Variants in DIPK1A observed in about 807,000 individuals in gnomAD.
DIPK1A encodes the protein family with sequence similarity 69 member A.
In DIPK1A, 27 loss-of-function variants were observed where a neutral mutation model predicts 40.8. The ratio of observed to expected loss-of-function variants is 0.66; its 90% CI spans 0.49 to 0.91. DIPK1A has a LOEUF of 0.91. DIPK1A is among the 40% of genes least tolerant of loss of function. The pLI is 0.00. For missense variants in DIPK1A, 412 were observed against 505.7 expected, an observed-to-expected ratio of 0.81 and a Z score of 1.78; for synonymous variants, 166 against 171.3, an observed-to-expected ratio of 0.97 and a Z score of 0.24.
chr1:92,960,309 GCCTCATGATGGTTA>G (rs1046900244), intron 1 of DIPK1A, among the ~76,000 whole-genome samples: 4 of 152,062 alleles, frequency 2.6e-5, no homozygotes, highest in African/African-American at 9.7e-5. Context: ...AGATTTACTT[GCCTCATGATGGTTA>G]CCTTCTCAAC....
intron 2 of DIPK1A, among the ~76,000 whole-genome samples, chr1:92,859,335 A>G (rs543146843): frequency 1.3e-5 from 2 of 152,184 alleles, no homozygotes; most frequent in African/African-American, 4.8e-5. Context: ...ACCATTTTCT[A>G]GACTTGCACT....
intron 2 of DIPK1A, among the ~76,000 whole-genome samples, chr1:92,874,632 G>A (rs1648029713): frequency 6.6e-6 from 1 of 152,220 alleles, no homozygotes; most frequent in Non-Finnish European, 1.5e-5. Context: ...TTATTTGTAT[G>A]TTTTTGAACT....
intron 1 of DIPK1A, among the ~76,000 whole-genome samples, chr1:92,924,655 G>C (rs1322107945): frequency 6.6e-6 from 1 of 152,186 alleles, no homozygotes; most frequent in Non-Finnish European, 1.5e-5. Flanking sequence ...GTCCGGAGTA[G>C]GCTTTCAAGA....
chr1:92,918,828 T>C (rs973814920), intron 1 of DIPK1A, among the ~76,000 whole-genome samples: 4 of 152,196 alleles, frequency 2.6e-5, no homozygotes, highest in African/African-American at 7.2e-5. Flanking sequence ...GTTCCACCTA[T>C]GATCATCAGG....
chr1:92,843,962 A>G lies in DIPK1A; in HGVS notation c.708T>C (p.Leu236=). 2 of 1,551,970 alleles carry G rather than the reference A, an allele frequency of 1.3e-6. No individual in the cohort carries two copies. Among genetic ancestry groups the G allele is most frequent in the Non-Finnish European group, 1.7e-6 (2 of 1,147,040 alleles). Residue 236 remains leucine, a synonymous_variant, in exon 5 of 5, where the codon CTT becomes CTC. Coordinates refer to ENST00000370310, the MANE Select transcript of DIPK1A (RefSeq NM_001006605.5). The stretch of plus-strand genomic sequence containing the variant: ...TGACCCAAGGAAGGCTTATTCCATA[A>G]AGAGAGGTATATTCAACACTTTCCA... ...YVMESVEYTS[L]YGISLPWVIE... is the part of the protein sequence containing the mutation.
intron 1 of DIPK1A, among the ~76,000 whole-genome samples, chr1:92,960,352 A>T (rs536838206): frequency 6.6e-6 from 1 of 152,252 alleles, no homozygotes. Flanking sequence ...TAATTTATAA[A>T]AGCACCAGCT....
rs967701421 is a variant in DIPK1A at position 92,832,763 on chromosome 1, G to A, written c.*257C>T. 3.4e-5 allele frequency: 17 copies of A among 495,904 alleles called. No individual in the cohort carries two copies. In the East Asian group the frequency reaches 5.6e-4, roughly 16 times the overall value. 30.7% of individuals were successfully genotyped at this position (495,904 alleles called of 1,614,324 possible). A position where few individuals can be genotyped will look rare whatever the true frequency, so the allele number is the denominator to read the frequency against. On this transcript the variant is annotated 3_prime_UTR_variant, in exon 5 of 5. Transcript: ENST00000615519. Reference sequence around the variant, plus strand: ...ATTATTGGGGTAGGGCCCCAAGGGTGGGATGAAATGTTGCTTTAGCTGATG... The same window carrying A: ...ATTATTGGGGTAGGGCCCCAAGGGTAGGATGAAATGTTGCTTTAGCTGATG...
chr1:92,836,291 C>G lies in DIPK1A; in HGVS notation c.475-3257G>C, dbSNP rs11540836. 53 of 1,614,166 alleles carry G rather than the reference C, an allele frequency of 3.3e-5. No homozygotes were observed. In the South Asian group the frequency reaches 4.6e-4, roughly 14 times the overall value. ...GCATTGATGGTCAGCCAGGTGCCTTCACCTGCTATTTGGATGCAGGCCTTG... is the reference window on the plus strand; with the variant it reads ...GCATTGATGGTCAGCCAGGTGCCTTGACCTGCTATTTGGATGCAGGCCTTG... On this transcript the variant is annotated intron_variant, in intron 4 of 4. Transcript: ENST00000615519.
At chr1:92,953,372 T>C (rs1159524301) in intron 1 of DIPK1A, among the ~76,000 whole-genome samples, 1 of 151,934 alleles carries the variant, frequency 6.6e-6, no homozygotes, top group East Asian at 1.9e-4. Context: ...AAATTAAAAA[T>C]AGAATTACCA....
chr1:92,907,047 C>G (rs1649652172), intron 1 of DIPK1A, among the ~76,000 whole-genome samples: 1 of 152,074 alleles, frequency 6.6e-6, no homozygotes, highest in Non-Finnish European at 1.5e-5. Context: ...AATTTCTAAT[C>G]AATATTTTTA....
chr1:92,878,266 G>A (rs936839664), intron 1 of DIPK1A, among the ~76,000 whole-genome samples: 3 of 152,196 alleles, frequency 2.0e-5, no homozygotes, highest in Admixed American at 2.0e-4. Context: ...AATCATTTAA[G>A]ATATATATTA....
At chr1:92,877,832 G>A (rs1648195844) in intron 1 of DIPK1A, among the ~76,000 whole-genome samples, 1 of 152,166 alleles carries the variant, frequency 6.6e-6, no homozygotes, top group African/African-American at 2.4e-5. Flanking sequence ...TAAGAGGTTT[G>A]GTCATCAGAC....
intron 4 of DIPK1A, chr1:92,833,375 C>T (rs1558283784): frequency 6.3e-7 from 1 of 1,597,408 alleles, no homozygotes; most frequent in Admixed American, 1.7e-5. Context: ...TAATAACATT[C>T]TTTTTTCTTT....
At chr1:92,849,177 T>C (rs1209261606) in intron 3 of DIPK1A, among the ~76,000 whole-genome samples, 1 of 152,194 alleles carries the variant, frequency 6.6e-6, no homozygotes, top group Non-Finnish European at 1.5e-5. Context: ...CTTCTCACCA[T>C]CCCTTACACT....
chr1:92,927,818 C>T (rs1024437863), intron 1 of DIPK1A, among the ~76,000 whole-genome samples: 1 of 152,164 alleles, frequency 6.6e-6, no homozygotes, highest in Non-Finnish European at 1.5e-5. Flanking sequence ...AACAATATCC[C>T]ACTGTATGGA....
intron 1 of DIPK1A, among the ~76,000 whole-genome samples, chr1:92,949,599 T>C (rs1651547067): frequency 6.6e-6 from 1 of 152,184 alleles, no homozygotes; most frequent in South Asian, 2.1e-4. Context: ...AGTACTCAAA[T>C]TAAGAATCTT....
chr1:92,960,200 C>A (rs971729827), intron 1 of DIPK1A, among the ~76,000 whole-genome samples: 5 of 151,916 alleles, frequency 3.3e-5, no homozygotes, highest in African/African-American at 1.2e-4. Flanking sequence ...TATTCGTACA[C>A]GCTTAATATC....
At chr1:92,836,705 T>A (rs1424716654) in intron 4 of DIPK1A, 1 of 296,876 alleles carries the variant, frequency 3.4e-6, no homozygotes, top group African/African-American at 2.2e-5. Flanking sequence ...TCTTTCCCCA[T>A]GCACTTTCTT....
chr1:92,915,334 C>A (rs1219010874), intron 1 of DIPK1A, among the ~76,000 whole-genome samples: 1 of 152,076 alleles, frequency 6.6e-6, no homozygotes, highest in Non-Finnish European at 1.5e-5. Flanking sequence ...GACTTCAGAT[C>A]CATGAGCGAG....
Sources: gnomAD v4.1 joint callset for allele counts (sites outside exome capture counted in the v4.1 genomes callset) on GRCh38, gnomAD v4.1.1 for gene constraint, MANE v1.5 for transcripts, NCBI Gene and HGNC (gene_info 2026-07-23, HGNC 2026-07-21) for gene names.